The following LGSN variants were observed in gnomAD, a reference collection of about 807,000 sequenced individuals.
LGSN encodes the protein lengsin, lens protein with glutamine synthetase domain.
In LGSN, 21 loss-of-function variants were observed where a neutral mutation model predicts 19.5. The observed-to-expected ratio is 1.07, with a 90% CI of 0.76 to 1.55. LGSN has a LOEUF of 1.55. Ranked by LOEUF, LGSN falls within the 40% of genes most tolerant of loss-of-function variation. LGSN has a pLI of 0.00. For missense variants in LGSN, 673 were observed against 608.5 expected (o/e 1.11, Z -1.12); for synonymous variants, 257 against 215.6 (o/e 1.19, Z -1.68).
At chr6:63,412,673 GGAA>G in the LGSN span, among the ~76,000 whole-genome samples, 31 of 124,506 alleles carry the variant, frequency 2.5e-4, no homozygotes, top group Admixed American at 1.1e-3. Context: ...AGGAAGGAAA[GGAA>G]GAAAGAAAGA....
chr6:63,567,590 T>C, the LGSN span, among the ~76,000 whole-genome samples: 36 of 152,184 alleles, frequency 2.4e-4, no homozygotes, highest in Non-Finnish European at 4.7e-4. Flanking sequence ...GCAGAGTAGA[T>C]TTAGCATAAT....
chr6:63,465,198 G>A, the LGSN span, among the ~76,000 whole-genome samples: 1 of 151,328 alleles, frequency 6.6e-6, no homozygotes, highest in African/African-American at 2.4e-5. Context: ...TGTTTGTTTT[G>A]AGATGGAGTT....
chr6:63,537,428 C>CCAGGCT, the LGSN span, among the ~76,000 whole-genome samples: 1 of 152,092 alleles, frequency 6.6e-6, no homozygotes, highest in African/African-American at 2.4e-5. Flanking sequence ...ATGCCCAGGC[C>CCAGGCT]CAGGCTCAGA....
At chr6:63,482,461 G>T in the LGSN span, among the ~76,000 whole-genome samples, 1 of 152,206 alleles carries the variant, frequency 6.6e-6, no homozygotes, top group Non-Finnish European at 1.5e-5. Context: ...AGGCACAGTA[G>T]CTCACGCCTA....
chr6:63,432,321 A>C, the LGSN span, among the ~76,000 whole-genome samples: 15 of 152,296 alleles, frequency 9.8e-5, no homozygotes, highest in South Asian at 3.1e-3. Context: ...TCCAATTTCC[A>C]TGCCTTCTGT....
the LGSN span, among the ~76,000 whole-genome samples, chr6:63,428,068 T>A: frequency 2.1e-4 from 32 of 152,288 alleles, no homozygotes; most frequent in African/African-American, 7.7e-4. Context: ...ATAAAACAGC[T>A]ATATTTGTGA....
the LGSN span, among the ~76,000 whole-genome samples, chr6:63,349,065 C>T: frequency 6.6e-6 from 1 of 152,076 alleles, no homozygotes; most frequent in East Asian, 1.9e-4. Context: ...GCTTACTGTG[C>T]ACAGAAAAAC....
At chr6:63,446,241 C>CT in the LGSN span, among the ~76,000 whole-genome samples, 1 of 74,780 alleles carries the variant, frequency 1.3e-5, no homozygotes, top group Non-Finnish European at 2.3e-5. Context: ...GAGACTGTGT[C>CT]TCAAAAAAAA....
upstream of LGSN, among the ~76,000 whole-genome samples, chr6:63,323,573 C>T (rs1034661336): frequency 5.5e-5 from 7 of 127,328 alleles, no homozygotes; most frequent in African/African-American, 7.7e-5. Flanking sequence ...CACACACACA[C>T]ACACACACAC....
chr6:63,412,517 AGAAAGAAAGAAG>A, the LGSN span, among the ~76,000 whole-genome samples: 20 of 101,234 alleles, frequency 2.0e-4, no homozygotes, highest in African/African-American at 3.7e-4. Flanking sequence ...AAAGAAAGAA[AGAAAGAAAGAAG>A]GAAAGAAAGA....
chr6:63,467,111 G>C, the LGSN span, among the ~76,000 whole-genome samples: 1 of 151,826 alleles, frequency 6.6e-6, no homozygotes, highest in Non-Finnish European at 1.5e-5. Flanking sequence ...AAATGAAAGA[G>C]ATCAGCAAAA....
the LGSN span, among the ~76,000 whole-genome samples, chr6:63,433,039 G>A: frequency 6.6e-6 from 1 of 152,144 alleles, no homozygotes; most frequent in Middle Eastern, 3.4e-3. Flanking sequence ...AATAATGAAG[G>A]GACATCTCTT....
chr6:63,537,058 A>T, the LGSN span, among the ~76,000 whole-genome samples: 1 of 152,090 alleles, frequency 6.6e-6, no homozygotes, highest in Non-Finnish European at 1.5e-5. Flanking sequence ...TATTTGTTAA[A>T]TTAAAATTAA....
chr6:63,572,400 C>T, the LGSN span: 15 of 342,680 alleles, frequency 4.4e-5, no homozygotes, highest in Admixed American at 4.8e-5. Flanking sequence ...GCTCCTGGCC[C>T]GCGGTTCCAG....
At chr6:63,416,122 TTG>T in the LGSN span, among the ~76,000 whole-genome samples, 4 of 144,596 alleles carry the variant, frequency 2.8e-5, no homozygotes, top group African/African-American at 1.2e-4. Context: ...GCTTTTTTTT[TTG>T]CTTTTTTTTT....
At chr6:63,537,867 C>T in the LGSN span, among the ~76,000 whole-genome samples, 29 of 152,072 alleles carry the variant, frequency 1.9e-4, 1 homozygote, top group Admixed American at 1.2e-3. Context: ...GGGCCACGGC[C>T]GTAGTGAGAG....
the LGSN span, among the ~76,000 whole-genome samples, chr6:63,401,433 A>C: frequency 2.8e-3 from 422 of 152,178 alleles, 1 homozygote; most frequent in Middle Eastern, 0.01. Flanking sequence ...ATTAAGGTAC[A>C]AGTTAATTCA....
chr6:63,438,732 T>C, the LGSN span, among the ~76,000 whole-genome samples: 3 of 152,128 alleles, frequency 2.0e-5, no homozygotes, highest in Admixed American at 2.0e-4. Flanking sequence ...TGTGGAGAAA[T>C]AGGAACACTT....
the LGSN span, among the ~76,000 whole-genome samples, chr6:63,479,245 A>T: frequency 6.6e-6 from 1 of 152,228 alleles, no homozygotes; most frequent in Non-Finnish European, 1.5e-5. Flanking sequence ...AGGGAGACCC[A>T]GATGAAAATT....
Sources: allele counts gnomAD v4.1 joint callset (sites outside exome capture counted in the v4.1 genomes callset), GRCh38; gene constraint gnomAD v4.1.1; transcripts MANE v1.5; gene names NCBI Gene and HGNC (gene_info 2026-07-23, HGNC 2026-07-21).